Variants in MAP4 observed in about 807,000 individuals in gnomAD.
MAP4 encodes the protein microtubule-associated protein 4.
A neutral mutation model predicts 170.2 loss-of-function variants in MAP4; 76 were observed. That is an observed-to-expected ratio of 0.45 (90% CI 0.37 to 0.54). The LOEUF is 0.54. Among genes scored for constraint, MAP4 ranks in the 20% least tolerant of loss-of-function variants. MAP4 has a pLI of 0.00. For synonymous variants in MAP4, 909 were observed against 994.5 expected, an observed-to-expected ratio of 0.91 and a Z score of 1.62; for missense variants, 2,506 against 2,748.0, an observed-to-expected ratio of 0.91 and a Z score of 1.97.
chr3:48,026,026 C>A (rs2100112964), intron 1 of MAP4, among the ~76,000 whole-genome samples: 1 of 151,528 alleles, frequency 6.6e-6, no homozygotes, highest in South Asian at 2.1e-4. Context: ...AGAGAAATTT[C>A]TTTTAAATAT....
At chr3:47,934,831 G>A (rs1224275214) in intron 3 of MAP4, among the ~76,000 whole-genome samples, 2 of 152,098 alleles carry the variant, frequency 1.3e-5, no homozygotes, top group African/African-American at 4.8e-5. Context: ...ACCAATTTAA[G>A]CACATACTGT....
chr3:47,943,619 A>C (rs537595563), intron 3 of MAP4, among the ~76,000 whole-genome samples: 1 of 152,024 alleles, frequency 6.6e-6, no homozygotes, highest in African/African-American at 2.4e-5. Context: ...CACTCTCCCC[A>C]AAAAAGGCTT....
At chr3:47,925,917 C>A (rs990058512) in intron 4 of MAP4, among the ~76,000 whole-genome samples, 1 of 152,296 alleles carries the variant, frequency 6.6e-6, no homozygotes, top group East Asian at 1.9e-4. Context: ...TACAATGGCA[C>A]GATCTTGGCT....
chr3:47,994,088 A>C (rs1338665359), intron 2 of MAP4, among the ~76,000 whole-genome samples: 4 of 152,148 alleles, frequency 2.6e-5, no homozygotes, highest in African/African-American at 9.7e-5. Context: ...CAAAAAATTA[A>C]AAACTTAAAC....
rs556739528 is a variant in MAP4, at chr3:48,063,544, G to A, written c.-20+25229C>T. On this transcript the variant is annotated intron_variant, in intron 1 of 18. Coordinates refer to the MAP4 transcript ENST00000360240. Reference sequence around the variant, plus strand: ...CTCATGTCAACACAAAAACCTACATGTGGACATTTATAGTAGCTTTATTCA... The same window carrying A: ...CTCATGTCAACACAAAAACCTACATATGGACATTTATAGTAGCTTTATTCA... 2.0e-5 allele frequency among the ~76,000 whole-genome samples: 3 copies of A among 152,182 alleles called. No homozygotes were observed. The East Asian group carries it at 5.8e-4, about 29-fold the overall frequency.
chr3:47,983,388 A>G (rs1198921861), intron 2 of MAP4, among the ~76,000 whole-genome samples: 3 of 151,062 alleles, frequency 2.0e-5, no homozygotes, highest in African/African-American at 7.3e-5. Context: ...TTATTTATTT[A>G]TTTATTTATT....
chr3:48,023,004 A>G (rs2100111339), intron 1 of MAP4, among the ~76,000 whole-genome samples: 1 of 152,204 alleles, frequency 6.6e-6, no homozygotes, highest in African/African-American at 2.4e-5. Context: ...GCAATATCCA[A>G]AAAATAGTAC....
At chr3:48,064,424 T>C (rs2154560817) in intron 1 of MAP4, among the ~76,000 whole-genome samples, 1 of 152,168 alleles carries the variant, frequency 6.6e-6, no homozygotes, top group South Asian at 2.1e-4. Context: ...CAATCAGAAC[T>C]CCTGACTCAC....
At chr3:48,069,835 T>C (rs527315061) in intron 1 of MAP4, among the ~76,000 whole-genome samples, 2 of 152,194 alleles carry the variant, frequency 1.3e-5, no homozygotes, top group Non-Finnish European at 2.9e-5. Context: ...GAGAACCTCA[T>C]TATCGGTGAC....
intron 3 of MAP4, among the ~76,000 whole-genome samples, chr3:47,937,266 G>A (rs963627388): frequency 6.6e-6 from 1 of 151,966 alleles, no homozygotes; most frequent in African/African-American, 2.4e-5. Context: ...GAAATACTTG[G>A]TCATTTAAGT....
chr3:48,068,888 G>A (rs1437416480), intron 1 of MAP4, among the ~76,000 whole-genome samples: 1 of 152,198 alleles, frequency 6.6e-6, no homozygotes, highest in Non-Finnish European at 1.5e-5. Context: ...CATTTACAGT[G>A]TGTATCATGA....
At chr3:47,978,682 A>T (rs2100083631) in intron 2 of MAP4, among the ~76,000 whole-genome samples, 1 of 151,358 alleles carries the variant, frequency 6.6e-6, no homozygotes, top group Admixed American at 6.6e-5. Flanking sequence ...TTGCTTCTGG[A>T]TGAAGATTGC....
intron 17 of MAP4, among the ~76,000 whole-genome samples, chr3:47,861,764 CAGG>C (rs1458074946): frequency 1.3e-5 from 2 of 152,040 alleles, no homozygotes; most frequent in African/African-American, 2.4e-5. Context: ...GAGGCTGAGG[CAGG>C]AGAATTGATT....
At chr3:47,995,956 C>T (rs1179230142) in intron 2 of MAP4, among the ~76,000 whole-genome samples, 1 of 152,108 alleles carries the variant, frequency 6.6e-6, no homozygotes, top group African/African-American at 2.4e-5. Flanking sequence ...GACTATGGGG[C>T]CCCTCAAATC....
upstream of MAP4, chr3:48,016,429 A>G (rs1448259977): frequency 1.3e-5 from 2 of 152,132 alleles, no homozygotes; most frequent in Non-Finnish European, 2.9e-5. Context: ...ATTTCAATCT[A>G]TTTCTCCAGG....
At chr3:48,071,997 G>A (rs1358080046) in intron 1 of MAP4, among the ~76,000 whole-genome samples, 1 of 152,098 alleles carries the variant, frequency 6.6e-6, no homozygotes, top group Non-Finnish European at 1.5e-5. Context: ...CAGGCAGGTG[G>A]ATCGCTTGAG....
At chr3:47,951,576 T>C (rs1223519789) in intron 3 of MAP4, among the ~76,000 whole-genome samples, 1 of 152,208 alleles carries the variant, frequency 6.6e-6, no homozygotes, top group African/African-American at 2.4e-5. Flanking sequence ...GGTCTCCAGC[T>C]CCTAACCGCG....
rs756725529 is a variant in MAP4, at chr3:47,911,826, G to A, written c.2595C>T (p.Pro865=). The A allele has an allele frequency of 1.1e-5, 17 of 1,535,924 alleles. No individual in the cohort carries two copies. In the African/African-American group the frequency reaches 2.2e-4, roughly 20 times the overall value. Residue 865 remains proline, a synonymous_variant, in exon 9 of 21, where the codon CCC becomes CCT. Coordinates refer to ENST00000683076, the MANE Select transcript of MAP4 (RefSeq NM_001385682.1). The surrounding 1 kb of genome is among the most constrained non-coding windows in gnomAD (Gnocchi z 4.0). ...TAGACTGAGAACTTATTGCAGTTTT[G>A]GGGGCTTCTTCAGAAGGATATAAAG... ...RIPLYPSEEA[P]KTAISSQSKL... is the part of the protein sequence containing the mutation.
chr3:47,854,077 G>A (rs899802546), intron 19 of MAP4, among the ~76,000 whole-genome samples: 1 of 152,164 alleles, frequency 6.6e-6, no homozygotes, highest in Non-Finnish European at 1.5e-5. Flanking sequence ...CAAGGGAGAA[G>A]TGGTTTCTAA....
Sources: gnomAD v4.1 joint callset for allele counts (sites outside exome capture counted in the v4.1 genomes callset) on GRCh38, gnomAD v4.1.1 for gene constraint, Gnocchi (gnomAD v3.1) non-coding constraint, MANE v1.5 for transcripts, NCBI Gene and HGNC (gene_info 2026-07-23, HGNC 2026-07-21) for gene names.